The following DLGAP2 variants were observed in gnomAD, a reference collection of about 807,000 sequenced individuals.
DLGAP2 encodes the protein DLG associated protein 2.
In DLGAP2, 26 loss-of-function variants were observed where a neutral mutation model predicts 100.3. The ratio of observed to expected loss-of-function variants is 0.26; its 90% CI spans 0.19 to 0.36. The LOEUF (loss-of-function observed/expected upper bound fraction) is 0.36. Ranked by LOEUF, DLGAP2 falls within the 10% of genes least tolerant of loss-of-function variation. The pLI, the probability that DLGAP2 is intolerant of heterozygous loss-of-function variation, is 1.00. For synonymous variants in DLGAP2, 886 were observed against 630.1 expected (o/e 1.41, Z -6.08); for missense variants, 1,858 against 1,453.2 (o/e 1.28, Z -4.53).
Position 1,459,008 on chromosome 8 carries a change from G to T in DLGAP2, c.107-42358G>T, listed in dbSNP as rs896837708. 2.6e-5 allele frequency among the ~76,000 whole-genome samples: 4 copies of T among 151,592 alleles called. No individual in the cohort carries two copies. The South Asian group carries it at 8.3e-4, about 32-fold the overall frequency. On this transcript the variant is annotated intron_variant, in intron 3 of 14. Coordinates refer to ENST00000637795, the MANE Select transcript of DLGAP2 (RefSeq NM_001346810.2). ...ACCCGAGGGGTCACCCTACAGACCA[G>T]CATGCGTCCCAGACAGGAGTGACAG...
chr8:1,509,808 T>C (rs140349011), intron 4 of DLGAP2, among the ~76,000 whole-genome samples: 10 of 152,208 alleles, frequency 6.6e-5, no homozygotes, highest in South Asian at 2.1e-4. Flanking sequence ...AAGTGTTCAA[T>C]GTCAGTTTTT....
At chr8:973,145 T>C (rs28656995) in intron 2 of DLGAP2, among the ~76,000 whole-genome samples, 55,230 of 151,962 alleles carry the variant, frequency 0.36, 10,372 homozygotes, top group Admixed American at 0.42. Context: ...ACCTCCCAGA[T>C]GGGGTGGCGG....
At chr8:1,179,272 G>A (rs1354771830) in intron 2 of DLGAP2, among the ~76,000 whole-genome samples, 1 of 152,246 alleles carries the variant, frequency 6.6e-6, no homozygotes, top group Non-Finnish European at 1.5e-5. Context: ...GCAGAGTGGG[G>A]GTGGGTGAGC....
chr8:1,455,947 C>G (rs530924790), intron 3 of DLGAP2, among the ~76,000 whole-genome samples: 2 of 152,340 alleles, frequency 1.3e-5, no homozygotes, highest in East Asian at 3.9e-4. Flanking sequence ...TCCGAGGCCC[C>G]CAGCATGTGG....
intron 3 of DLGAP2, among the ~76,000 whole-genome samples, chr8:1,438,845 G>A (rs1453420410): frequency 2.0e-5 from 3 of 152,184 alleles, no homozygotes; most frequent in Admixed American, 6.5e-5. Context: ...GAATCTGGTT[G>A]GAAGTGGAAT....
chr8:1,662,383 A>T (rs905887839), intron 8 of DLGAP2, among the ~76,000 whole-genome samples: 1 of 152,188 alleles, frequency 6.6e-6, no homozygotes. Context: ...GTTTTTAGGA[A>T]ACCTGGAACC....
At chr8:1,593,665 A>G (rs1004654289) in intron 6 of DLGAP2, among the ~76,000 whole-genome samples, 3 of 150,958 alleles carry the variant, frequency 2.0e-5, no homozygotes, top group Middle Eastern at 3.4e-3. Flanking sequence ...ATCAGTTAGC[A>G]CATCCAGCAC....
At chr8:1,171,582 A>C (rs1797129494) in intron 2 of DLGAP2, among the ~76,000 whole-genome samples, 1 of 152,122 alleles carries the variant, frequency 6.6e-6, no homozygotes, top group South Asian at 2.1e-4. Context: ...TTGGGTGCAT[A>C]TATATTTAGG....
At chr8:771,254 T>C (rs1307401387) in intron 1 of DLGAP2, among the ~76,000 whole-genome samples, 1 of 152,220 alleles carries the variant, frequency 6.6e-6, no homozygotes, top group East Asian at 1.9e-4. Context: ...GTGCAAATGC[T>C]CAAAACTAAG....
intron 1 of DLGAP2, among the ~76,000 whole-genome samples, chr8:803,231 A>T (rs1225245447): frequency 6.6e-6 from 1 of 151,950 alleles, no homozygotes; most frequent in Non-Finnish European, 1.5e-5. Context: ...AAACCTCTCC[A>T]TGTTTCTCCA....
At chr8:980,565 A>T (rs943254622) in intron 2 of DLGAP2, among the ~76,000 whole-genome samples, 11 of 152,138 alleles carry the variant, frequency 7.2e-5, no homozygotes, top group Non-Finnish European at 1.6e-4. Flanking sequence ...TCATTCGCTC[A>T]AGGTTGTGAA....
At chr8:1,588,363 C>A (rs2130662510) in intron 6 of DLGAP2, among the ~76,000 whole-genome samples, 1 of 152,246 alleles carries the variant, frequency 6.6e-6, no homozygotes, top group East Asian at 1.9e-4. Context: ...TGGAATCACA[C>A]CATTAGTAGA....
At chr8:1,056,288 C>G (rs1387624247) in intron 2 of DLGAP2, among the ~76,000 whole-genome samples, 1 of 152,168 alleles carries the variant, frequency 6.6e-6, no homozygotes, top group Non-Finnish European at 1.5e-5. Flanking sequence ...TCTGTGGCCC[C>G]TCTAACGCAT....
rs547627008 is a variant in DLGAP2 at position 1,242,851 on chromosome 8, G to A, written c.74-16000G>A. On this transcript the variant is annotated intron_variant, in intron 2 of 14. Coordinates refer to ENST00000637795, the MANE Select transcript of DLGAP2 (RefSeq NM_001346810.2). ...CGATGGATAGATGGGTGGACGGACG[G>A]GCAGATGGACGGATGTGTGGATGGT... 1.0e-3 allele frequency among the ~76,000 whole-genome samples: 159 copies of A among 152,096 alleles called. 1 individual carries two copies. Among genetic ancestry groups the A allele is most frequent in the African/African-American group, 3.7e-3 (152 of 41,400 alleles).
At chr8:954,076 A>T (rs1400175786) in intron 2 of DLGAP2, among the ~76,000 whole-genome samples, 1 of 152,188 alleles carries the variant, frequency 6.6e-6, no homozygotes, top group Non-Finnish European at 1.5e-5. Context: ...ATTATAATGA[A>T]AGTAGTTTTG....
chr8:866,221 C>T (rs1378361466), intron 1 of DLGAP2, among the ~76,000 whole-genome samples: 6 of 152,312 alleles, frequency 3.9e-5, no homozygotes, highest in Admixed American at 1.3e-4. Context: ...AGGCTTCTTA[C>T]CCCAGGCCTG....
Position 1,194,761 on chromosome 8 carries a change from A to C in DLGAP2, c.74-64090A>C, listed in dbSNP as rs552517008. Among the ~76,000 whole-genome samples the C allele has an allele frequency of 6.2e-4, 94 of 152,246 alleles. 1 individual carries two copies. The highest frequency in any genetic ancestry group is 8.7e-4 in the Non-Finnish European group (59 of 68,014). ...GCCCGATGAGCTTCATTAGACCTGAAGTTTGGAACCCTCTGTTCCCTACAG... is the reference window on the plus strand; with the variant it reads ...GCCCGATGAGCTTCATTAGACCTGACGTTTGGAACCCTCTGTTCCCTACAG... On this transcript the variant is annotated intron_variant, in intron 2 of 14. Transcript: ENST00000637795.
intron 2 of DLGAP2, among the ~76,000 whole-genome samples, chr8:1,029,027 G>A (rs567709942): frequency 6.6e-6 from 1 of 152,304 alleles, no homozygotes; most frequent in South Asian, 2.1e-4. Flanking sequence ...AGCTGTCCTA[G>A]CTTCCCCTGA....
intron 2 of DLGAP2, among the ~76,000 whole-genome samples, chr8:1,033,708 C>T (rs1393995031): frequency 6.6e-6 from 1 of 150,924 alleles, no homozygotes; most frequent in Admixed American, 6.6e-5. Flanking sequence ...TTCACACGCT[C>T]ATCCCGACCC....
Sources: gnomAD v4.1 joint callset for allele counts (sites outside exome capture counted in the v4.1 genomes callset) on GRCh38, gnomAD v4.1.1 for gene constraint, MANE v1.5 for transcripts, NCBI Gene and HGNC (gene_info 2026-07-23, HGNC 2026-07-21) for gene names.